ELMO1: variants seen among roughly 807,000 people sequenced by gnomAD.
The protein encoded by ELMO1 is engulfment and cell motility 1.
In ELMO1, 26 loss-of-function variants were observed where a neutral mutation model predicts 98.9. That is an observed-to-expected ratio of 0.26 (90% confidence interval 0.19 to 0.36). The LOEUF (loss-of-function observed/expected upper bound fraction) is 0.36, where lower values mean the gene tolerates loss of function less well. Ranked by LOEUF, ELMO1 falls within the 10% of genes least tolerant of loss-of-function variation. The pLI is 1.00. For synonymous variants in ELMO1, 346 were observed against 346.0 expected, an observed-to-expected ratio of 1.00 and a Z score of 0.00; for missense variants, 627 against 935.2, an observed-to-expected ratio of 0.67 and a Z score of 4.30.
intron 1 of ELMO1, among the ~76,000 whole-genome samples, chr7:37,380,374 A>G (rs189723863): frequency 6.6e-5 from 10 of 152,340 alleles, no homozygotes; most frequent in Admixed American, 5.2e-4. Context: ...ATTTCCCAGT[A>G]TAGTACCTGG....
intron 13 of ELMO1, chr7:37,211,137 C>T (rs1792943691): frequency 1.6e-5 from 7 of 435,264 alleles, no homozygotes; most frequent in East Asian, 1.3e-4. Context: ...TAACTACTCT[C>T]GGTTACACTT....
chr7:36,928,046 T>C (rs529861180), intron 16 of ELMO1, among the ~76,000 whole-genome samples: 31 of 152,322 alleles, frequency 2.0e-4, no homozygotes, highest in African/African-American at 3.8e-4. Flanking sequence ...CTTTGGGTGA[T>C]AGTAAATCTC....
At chr7:37,161,625 G>A (rs1412310310) in intron 13 of ELMO1, among the ~76,000 whole-genome samples, 1 of 151,616 alleles carries the variant, frequency 6.6e-6, no homozygotes, top group African/African-American at 2.4e-5. Flanking sequence ...TATACTTTCA[G>A]CAACATCTTA....
intron 13 of ELMO1, among the ~76,000 whole-genome samples, chr7:37,188,431 CACACACACACACACACACACGCAA>C (rs1398643735): frequency 0.14 from 7,499 of 52,568 alleles, 787 homozygotes; most frequent in African/African-American, 0.39. Context: ...CACACACACA[CACACACACACACACACACACGCAA>C]ACACACACAC....
At chr7:37,223,928 C>T (rs1337697179) in intron 9 of ELMO1, among the ~76,000 whole-genome samples, 1 of 151,896 alleles carries the variant, frequency 6.6e-6, no homozygotes, top group African/African-American at 2.4e-5. Context: ...CCCAAATGGG[C>T]CAATTGGGTT....
chr7:37,188,589 A>C (rs1373778354), intron 13 of ELMO1, among the ~76,000 whole-genome samples: 1 of 151,412 alleles, frequency 6.6e-6, no homozygotes, highest in Non-Finnish European at 1.5e-5. Flanking sequence ...ATTTAGAGAA[A>C]AGGCATCTTA....
chr7:36,931,219 T>C (rs890128497), intron 16 of ELMO1, among the ~76,000 whole-genome samples: 1 of 152,190 alleles, frequency 6.6e-6, no homozygotes, highest in South Asian at 2.1e-4. Flanking sequence ...CCAGGACCAG[T>C]ACTAGCTGCT....
At chr7:37,194,340 C>T (rs1396582954) in intron 13 of ELMO1, among the ~76,000 whole-genome samples, 1 of 152,186 alleles carries the variant, frequency 6.6e-6, no homozygotes, top group East Asian at 1.9e-4. Context: ...GCAGAAAGAG[C>T]AACCCAGCTT....
At chr7:36,963,327 G>A (rs974772585) in intron 16 of ELMO1, among the ~76,000 whole-genome samples, 1 of 151,900 alleles carries the variant, frequency 6.6e-6, no homozygotes, top group Non-Finnish European at 1.5e-5. Context: ...GCAGTGAGCC[G>A]AGATTGCGCC....
intron 16 of ELMO1, among the ~76,000 whole-genome samples, chr7:37,004,066 AT>A (rs34475287): frequency 6.6e-6 from 1 of 151,874 alleles, no homozygotes; most frequent in Non-Finnish European, 1.5e-5. Flanking sequence ...CAAGATAAAT[AT>A]TTTTTTTAAA....
At chr7:36,890,572 C>T (rs1234789203) in intron 17 of ELMO1, among the ~76,000 whole-genome samples, 1 of 152,194 alleles carries the variant, frequency 6.6e-6, no homozygotes, top group East Asian at 1.9e-4. Flanking sequence ...TCTTACACCC[C>T]TTAGGTATTT....
At chr7:37,083,107 T>C (rs1252045543) in intron 15 of ELMO1, among the ~76,000 whole-genome samples, 2 of 152,146 alleles carry the variant, frequency 1.3e-5, no homozygotes, top group Non-Finnish European at 2.9e-5. Context: ...GAGACACTTG[T>C]CTAGAGCTGC....
intron 13 of ELMO1, among the ~76,000 whole-genome samples, chr7:37,154,633 T>G (rs6462734): frequency 1 from 152,324 of 152,328 alleles, 76,160 homozygotes; most frequent in Middle Eastern, 1. Context: ...GAAAAGAAAC[T>G]AACAAAGCCT....
At chr7:36,954,761 T>C (rs1029076721) in intron 16 of ELMO1, among the ~76,000 whole-genome samples, 7 of 152,356 alleles carry the variant, frequency 4.6e-5, no homozygotes, top group South Asian at 2.1e-4. Context: ...GGACAGTTTC[T>C]ACAAGAAAAT....
rs1336392623 is a variant in ELMO1 at position 37,133,247 on chromosome 7, C to A, written c.1087-13G>T. 1.3e-6 allele frequency: 2 copies of A among 1,596,242 alleles called. No homozygotes were observed. Among genetic ancestry groups the A allele is most frequent in the Non-Finnish European group, 1.7e-6 (2 of 1,168,686 alleles). On this transcript the variant is annotated splice_polypyrimidine_tract_variant and intron_variant, in intron 13 of 21. Coordinates refer to ENST00000310758, the MANE Select transcript of ELMO1 (RefSeq NM_014800.11). ...GGTTGACATGATTCTGTGAGTAAAA[C>A]AAAATCATGATAAGGTGAATTCTTC...
At chr7:37,322,000 C>T (rs1799539570) in intron 2 of ELMO1, among the ~76,000 whole-genome samples, 3 of 151,504 alleles carry the variant, frequency 2.0e-5, no homozygotes, top group Admixed American at 6.6e-5. Flanking sequence ...GCTGGGACTA[C>T]AGGCACGCAC....
chr7:36,991,709 A>G (rs760615228), intron 16 of ELMO1, among the ~76,000 whole-genome samples: 1 of 152,186 alleles, frequency 6.6e-6, no homozygotes, highest in Non-Finnish European at 1.5e-5. Context: ...ACCCTGTCAC[A>G]CTGTCACTTT....
At chr7:37,157,558 A>G (rs1311281879) in intron 13 of ELMO1, among the ~76,000 whole-genome samples, 1 of 152,214 alleles carries the variant, frequency 6.6e-6, no homozygotes, top group Non-Finnish European at 1.5e-5. Flanking sequence ...TCCCATTCAA[A>G]TTACTATAAG....
chr7:37,241,973 C>G (rs556067223), intron 7 of ELMO1, among the ~76,000 whole-genome samples: 1 of 152,134 alleles, frequency 6.6e-6, no homozygotes, highest in Non-Finnish European at 1.5e-5. Context: ...TCCTACAGAT[C>G]TGAGTATCTA....
Sources: allele counts gnomAD v4.1 joint callset (sites outside exome capture counted in the v4.1 genomes callset), GRCh38; gene constraint gnomAD v4.1.1; transcripts MANE v1.5; gene names NCBI Gene and HGNC (gene_info 2026-07-23, HGNC 2026-07-21).